DGKH: variants seen among roughly 807,000 people sequenced by gnomAD.
The protein encoded by DGKH is DAG kinase eta.
In DGKH, 90 loss-of-function variants were observed where a neutral mutation model predicts 159.3. The ratio of observed to expected loss-of-function variants is 0.57; its 90% CI spans 0.48 to 0.67. The LOEUF is 0.67. DGKH is among the 30% of genes least tolerant of loss of function. The pLI is 0.00. For missense variants in DGKH, 1,181 were observed against 1,506.1 expected (o/e 0.78, Z 3.57); for synonymous variants, 536 against 553.8 (o/e 0.97, Z 0.45).
At chr13:42,196,186 T>C (rs1957199965) in intron 17 of DGKH, among the ~76,000 whole-genome samples, 1 of 152,168 alleles carries the variant, frequency 6.6e-6, no homozygotes, top group Non-Finnish European at 1.5e-5. Flanking sequence ...ATTAGAACTT[T>C]CATGCATTGG....
intron 21 of DGKH, among the ~76,000 whole-genome samples, chr13:42,207,023 C>CTTTCT (rs973643694): frequency 8.2e-5 from 4 of 49,022 alleles, no homozygotes; most frequent in Non-Finnish European, 9.3e-5. Context: ...TTCTTTCTTT[C>CTTTCT]TTTTTCTTTC....
chr13:42,075,491 A>G (rs1954076921), intron 1 of DGKH, among the ~76,000 whole-genome samples: 1 of 152,190 alleles, frequency 6.6e-6, no homozygotes, highest in South Asian at 2.1e-4. Context: ...ACCATTGTTA[A>G]TCTGTATATA....
intron 29 of DGKH, among the ~76,000 whole-genome samples, chr13:42,221,899 C>A (rs1957983637): frequency 6.6e-6 from 1 of 152,146 alleles, no homozygotes; most frequent in South Asian, 2.1e-4. Flanking sequence ...TTTTAGGTCA[C>A]ATGAATAACT....
rs749797339 is a variant in DGKH, at chr13:42,221,342, G to C, written c.3521G>C (p.Arg1174Pro). The C allele has an allele frequency of 6.2e-7, 1 of 1,613,692 alleles. No homozygotes were observed. Among genetic ancestry groups the C allele is most frequent in the Non-Finnish European group, 8.5e-7 (1 of 1,179,700 alleles). ...GGAGAGTACAAAGATATCTTCATCC[G>C]TCATGACATCAGAGGGGCTGAACTT... The part of the protein sequence containing the change: ...NLGEYKDIFI[R>P]HDIRGAELLH... The change falls in exon 29 of 30, where the codon CGT (arginine) becomes CCT (proline). Residue 1174 changes from arginine (R) to proline (P), a missense_variant. By Grantham distance (103) the Arg-to-Pro change is moderately radical. Transcript: ENST00000337343.
intron 13 of DGKH, among the ~76,000 whole-genome samples, chr13:42,186,303 G>T (rs1281956141): frequency 6.6e-6 from 1 of 152,096 alleles, no homozygotes; most frequent in Non-Finnish European, 1.5e-5. Context: ...GTTGATTGTT[G>T]TTTTTAATCC....
intron 3 of DGKH, among the ~76,000 whole-genome samples, chr13:42,141,239 T>G (rs1257155583): frequency 1.3e-5 from 2 of 151,752 alleles, no homozygotes; most frequent in Non-Finnish European, 2.9e-5. Flanking sequence ...AACTCATCAT[T>G]TTTTATGGCT....
intron 9 of DGKH, among the ~76,000 whole-genome samples, chr13:42,167,027 T>TA (rs1956330951): frequency 6.6e-6 from 1 of 152,194 alleles, no homozygotes; most frequent in Admixed American, 6.5e-5. Flanking sequence ...ACATACAATA[T>TA]AAATAATCGA....
intron 1 of DGKH, among the ~76,000 whole-genome samples, chr13:42,105,192 T>C (rs1954724714): frequency 6.6e-6 from 1 of 152,086 alleles, no homozygotes; most frequent in Admixed American, 6.6e-5. Flanking sequence ...GGCTGGCATC[T>C]TGTAAGGACC....
At chr13:42,057,963 A>G in intron 1 of DGKH, among the ~76,000 whole-genome samples, 1 of 152,094 alleles carries the variant, frequency 6.6e-6, no homozygotes, top group Non-Finnish European at 1.5e-5. Flanking sequence ...GTTGGGGGGA[A>G]CCAAGTAGAA....
chr13:42,065,953 G>C (rs75750962), intron 1 of DGKH: 1 of 152,042 alleles, frequency 6.6e-6, no homozygotes, highest in Non-Finnish European at 1.5e-5. Flanking sequence ...GCTGGAGTGC[G>C]GTGGTGTGAT....
intron 12 of DGKH, among the ~76,000 whole-genome samples, chr13:42,176,457 T>C (rs9533023): frequency 6.6e-6 from 1 of 152,154 alleles, no homozygotes; most frequent in African/African-American, 2.4e-5. Flanking sequence ...ATGCAACATC[T>C]TGTGTAACTT....
chr13:42,048,838 G>GCGCCGCGGTCACCTC lies in DGKH; in HGVS notation c.72_86dup (p.Val25_Ala29dup), dbSNP rs1168830654. ...GCTGGAGGAGCGGCCGCCGGAGCCG[G>GCGCCGCGGTCACCTC]CGCCGCGGTCACCTCCGCCGCTGCC... On this transcript the variant is annotated inframe_insertion, in exon 1 of 30. Transcript: ENST00000337343. This position sits in a 1 kb window ranked among gnomAD's most constrained non-coding sequence, Gnocchi z 6.7. 1.3e-5 allele frequency: 18 copies of GCGCCGCGGTCACCTC among 1,350,954 alleles called. No homozygotes were observed. Among genetic ancestry groups the GCGCCGCGGTCACCTC allele is most frequent in the Non-Finnish European group, 1.6e-5 (17 of 1,049,074 alleles). 83.7% of individuals were successfully genotyped at this position (1,350,954 alleles called of 1,614,324 possible).
chr13:42,132,965 G>A (rs1955319541), intron 3 of DGKH, among the ~76,000 whole-genome samples: 1 of 151,960 alleles, frequency 6.6e-6, no homozygotes, highest in African/African-American at 2.4e-5. Flanking sequence ...TCAGGAGATC[G>A]AGACCATCCT....
chr13:42,147,481 C>T (rs577905154), intron 3 of DGKH, among the ~76,000 whole-genome samples: 2 of 151,854 alleles, frequency 1.3e-5, no homozygotes, highest in African/African-American at 4.8e-5. Flanking sequence ...TTGTGGTGAC[C>T]AATACAAAAC....
intron 20 of DGKH, 41 bp downstream of exon 20, chr13:42,199,950 C>T: frequency 6.6e-7 from 1 of 1,509,422 alleles, no homozygotes. Context: ...TATTATCTTA[C>T]TTAAAAAAAA....
chr13:42,070,831 C>G, intron 1 of DGKH: 1 of 1,341,618 alleles, frequency 7.5e-7, no homozygotes, highest in Non-Finnish European at 1.1e-6. Context: ...TAATTGGCTC[C>G]CACTGGGACC....
At chr13:42,163,656 T>G (rs1406712105) in intron 7 of DGKH, among the ~76,000 whole-genome samples, 2 of 152,240 alleles carry the variant, frequency 1.3e-5, no homozygotes, top group Non-Finnish European at 2.9e-5. Context: ...TGCATAAATG[T>G]CTTCTTTTGA....
At chr13:42,200,818 C>G (rs1310390634) in intron 20 of DGKH, among the ~76,000 whole-genome samples, 6 of 152,028 alleles carry the variant, frequency 3.9e-5, no homozygotes, top group Admixed American at 3.9e-4. Context: ...TTTATTATTG[C>G]TTATAAAATT....
intron 21 of DGKH, among the ~76,000 whole-genome samples, chr13:42,207,976 T>A (rs1594210286): frequency 6.6e-6 from 1 of 152,022 alleles, no homozygotes; most frequent in Non-Finnish European, 1.5e-5. Context: ...GAGAAATCAG[T>A]GAGATTAAGG....
Sources: gnomAD v4.1 joint callset for allele counts (sites outside exome capture counted in the v4.1 genomes callset) on GRCh38, gnomAD v4.1.1 for gene constraint, Gnocchi (gnomAD v3.1) non-coding constraint, MANE v1.5 for transcripts, NCBI Gene and HGNC (gene_info 2026-07-23, HGNC 2026-07-21) for gene names.